The following PITPNA variants were observed in gnomAD, a reference collection of about 807,000 sequenced individuals.
The protein encoded by PITPNA is phosphatidylinositol transfer protein alpha isoform.
Under a neutral mutation model 50.3 loss-of-function variants are expected in PITPNA, and 13 were observed. The observed-to-expected ratio is 0.26, with a 90% CI of 0.17 to 0.41. The LOEUF (loss-of-function observed/expected upper bound fraction) is 0.41. Among genes scored for constraint, PITPNA ranks in the 10% least tolerant of loss-of-function variants. The pLI, the probability that PITPNA is intolerant of heterozygous loss-of-function variation, is 1.00. For missense variants in PITPNA, 207 were observed against 333.4 expected, an observed-to-expected ratio of 0.62 and a Z score of 2.95; for synonymous variants, 120 against 119.6, an observed-to-expected ratio of 1.00 and a Z score of -0.02.
At chr17:1,542,663 T>A (rs938195290) in intron 5 of PITPNA, among the ~76,000 whole-genome samples, 1 of 152,150 alleles carries the variant, frequency 6.6e-6, no homozygotes, top group Admixed American at 6.5e-5. Context: ...GGATCAGTGC[T>A]CAGTGGACTC....
At chr17:1,554,367 G>A (rs941166330) in intron 2 of PITPNA, among the ~76,000 whole-genome samples, 4 of 151,674 alleles carry the variant, frequency 2.6e-5, no homozygotes, top group Non-Finnish European at 5.9e-5. Flanking sequence ...GCACCCCCGG[G>A]GGGAAGACAA....
At chr17:1,536,058 T>C (rs1054335013) in intron 7 of PITPNA, among the ~76,000 whole-genome samples, 2 of 152,224 alleles carry the variant, frequency 1.3e-5, no homozygotes, top group East Asian at 3.8e-4. Flanking sequence ...CTGGAAATGT[T>C]CAGTGTATGG....
intron 2 of PITPNA, among the ~76,000 whole-genome samples, chr17:1,557,480 T>A (rs2075741135): frequency 6.6e-6 from 1 of 151,808 alleles, no homozygotes; most frequent in African/African-American, 2.4e-5. Flanking sequence ...TCACCCAAAC[T>A]CGAGTTTAAC....
At chr17:1,545,967 G>A (rs2075672086) in intron 4 of PITPNA, among the ~76,000 whole-genome samples, 1 of 111,956 alleles carries the variant, frequency 8.9e-6, no homozygotes, top group Non-Finnish European at 1.7e-5. Flanking sequence ...TGCTCTTGTT[G>A]TCCAAGCTGG....
At chr17:1,553,182 C>T (rs774228664) in intron 2 of PITPNA, 33 bp from the exon 3 acceptor site, 25 of 1,611,686 alleles carry the variant, frequency 1.6e-5, no homozygotes, top group Middle Eastern at 1.6e-4. Flanking sequence ...ATTCTCAACA[C>T]GGACCCTTCT....
At position 1,535,280 on chromosome 17, in the gene PITPNA, T is replaced by A. The variant is rs376835883; in HGVS notation, c.547A>T (p.Asn183Tyr). The change falls in exon 9 of 12, where the codon AAC (asparagine) becomes TAC (tyrosine). Residue 183 changes from asparagine (N) to tyrosine (Y), a missense_variant. Physicochemically the swap from Asn to Tyr is moderately radical, Grantham distance 143 (BLOSUM62 -2). Coordinates refer to ENST00000313486, the MANE Select transcript of PITPNA (RefSeq NM_006224.4). ...LGPNWKQELV[N>Y]QKDCPYMCAY... ...CACATATATGGGCAGTCCTTCTGGT[T>A]TACAAGCTCTTGCTGCATTAGAAAC... 4.3e-6 allele frequency: 7 copies of A among 1,612,506 alleles called. No individual in the cohort carries two copies. The highest frequency in any genetic ancestry group is 5.9e-6 in the Non-Finnish European group (7 of 1,178,610).
At chr17:1,521,726 G>C (rs1333404275) in intron 10 of PITPNA, 81 bp from the exon 11 acceptor site, 2 of 1,154,844 alleles carry the variant, frequency 1.7e-6, no homozygotes, top group Non-Finnish European at 2.6e-6. Context: ...CCATAGGTGG[G>C]GTGGGGCATA....
intron 10 of PITPNA, among the ~76,000 whole-genome samples, chr17:1,533,874 T>C (rs2075598696): frequency 6.6e-6 from 1 of 152,212 alleles, no homozygotes; most frequent in African/African-American, 2.4e-5. Flanking sequence ...CTGCCATTTT[T>C]GTCTCTGTGG....
At chr17:1,523,755 T>C (rs2075529041) in intron 10 of PITPNA, among the ~76,000 whole-genome samples, 1 of 152,128 alleles carries the variant, frequency 6.6e-6, no homozygotes, top group East Asian at 1.9e-4. Context: ...ACGATCTGCC[T>C]GCCTCAGCCT....
At chr17:1,551,442 C>T (rs2075708860) in intron 3 of PITPNA, among the ~76,000 whole-genome samples, 1 of 151,996 alleles carries the variant, frequency 6.6e-6, no homozygotes, top group Non-Finnish European at 1.5e-5. Context: ...CAGACACTCG[C>T]CACCACACCA....
At chr17:1,546,437 C>T (rs538675325) in intron 4 of PITPNA, among the ~76,000 whole-genome samples, 40 of 152,254 alleles carry the variant, frequency 2.6e-4, no homozygotes, top group Non-Finnish European at 4.4e-4. Flanking sequence ...GCAATGACCC[C>T]GTATTCTGGA....
intron 2 of PITPNA, among the ~76,000 whole-genome samples, chr17:1,556,589 A>G (rs2075735978): frequency 6.6e-6 from 1 of 152,112 alleles, no homozygotes; most frequent in Non-Finnish European, 1.5e-5. Context: ...TTCCATCAAG[A>G]AACTCCCTAT....
intron 9 of PITPNA, 89 bp from the exon 10 acceptor site, chr17:1,534,310 C>T: frequency 6.5e-7 from 1 of 1,528,618 alleles, no homozygotes; most frequent in Non-Finnish European, 9.0e-7. Flanking sequence ...CGAATACCCA[C>T]ACTAGACTGG....
intron 6 of PITPNA, among the ~76,000 whole-genome samples, chr17:1,541,274 T>C (rs1026976958): frequency 1.3e-5 from 2 of 152,096 alleles, no homozygotes. Context: ...TTACTGCAAA[T>C]TGTGCTCTAT....
chr17:1,537,259 T>C (rs545627794), intron 7 of PITPNA, among the ~76,000 whole-genome samples: 1 of 152,266 alleles, frequency 6.6e-6, no homozygotes, highest in Non-Finnish European at 1.5e-5. Flanking sequence ...GAGACAGGGT[T>C]TCACCATGTT....
intron 7 of PITPNA, among the ~76,000 whole-genome samples, chr17:1,537,715 G>A (rs929352740): frequency 6.6e-6 from 1 of 152,122 alleles, no homozygotes. Flanking sequence ...ATCCACCAAC[G>A]TTTTGAAGGT....
chr17:1,523,150 G>GGCAGAA (rs60054692), intron 10 of PITPNA, among the ~76,000 whole-genome samples: 22,418 of 152,090 alleles, frequency 0.15, 1,888 homozygotes, highest in African/African-American at 0.22. Flanking sequence ...GCACCTTCCA[G>GGCAGAA]GCAGACATCA....
chr17:1,542,911 C>T lies in PITPNA; in HGVS notation c.297+109G>A, dbSNP rs144530706. On this transcript the variant is annotated intron_variant, in intron 5 of 11. Transcript: ENST00000313486. ...TGACAGGACTGAGCCTCAGCAACTC[C>T]AAACATCAGCCAAGGGAAAGAACAC... The T allele has an allele frequency of 2.9e-5, 24 of 833,310 alleles. 1 individual carries two copies. The highest frequency in any genetic ancestry group is 5.4e-5 in the East Asian group (2 of 37,364). The allele number at this position is 833,310 out of a possible 1,614,324, so 51.6% of individuals were successfully genotyped here.
chr17:1,529,735 G>C (rs2075570077), intron 10 of PITPNA, among the ~76,000 whole-genome samples: 1 of 151,710 alleles, frequency 6.6e-6, no homozygotes, highest in African/African-American at 2.4e-5. Context: ...GGCACCTGTA[G>C]TCCCAGCTAC....
Sources: allele counts gnomAD v4.1 joint callset (sites outside exome capture counted in the v4.1 genomes callset), GRCh38; gene constraint gnomAD v4.1.1; transcripts MANE v1.5; gene names NCBI Gene and HGNC (gene_info 2026-07-23, HGNC 2026-07-21).